DCDC2: variants seen among roughly 807,000 people sequenced by gnomAD.
The protein encoded by DCDC2 is doublecortin domain containing 2.
In DCDC2, 40 loss-of-function variants were observed where a neutral mutation model predicts 50.2. That is an observed-to-expected ratio of 0.80 (90% confidence interval 0.62 to 1.04). The LOEUF is 1.04. DCDC2 is among the 50% of genes least tolerant of loss of function. The probability of loss-of-function intolerance (pLI) is 0.00; values close to 1 mark genes in which losing one functional copy is unlikely to be tolerated. For synonymous variants in DCDC2, 234 were observed against 210.6 expected (o/e 1.11, Z -0.96); for missense variants, 570 against 581.9 (o/e 0.98, Z 0.21).
chr6:24,221,891 T>C (rs62403469), intron 7 of DCDC2, among the ~76,000 whole-genome samples: 12,025 of 152,268 alleles, frequency 0.079, 764 homozygotes, highest in African/African-American at 0.17. Context: ...GTTAAGGCAC[T>C]CAACTGCTAA....
At chr6:24,359,490 T>C (rs1324451294), upstream of DCDC2, among the ~76,000 whole-genome samples, 1 of 96,076 alleles carries the variant, frequency 1.0e-5, no homozygotes, top group African/African-American at 4.2e-5. Flanking sequence ...TTATATATAA[T>C]ATATTATATA....
intron 7 of DCDC2, among the ~76,000 whole-genome samples, chr6:24,226,963 G>A (rs563587267): frequency 1.3e-5 from 2 of 152,330 alleles, no homozygotes; most frequent in African/African-American, 4.8e-5. Context: ...TCAGAGTAGT[G>A]TTCTGGGAGA....
intron 8 of DCDC2, among the ~76,000 whole-genome samples, chr6:24,179,953 C>CAAAAAAAA (rs56376644): frequency 5.8e-5 from 5 of 85,976 alleles, no homozygotes; most frequent in African/African-American, 9.3e-5. Context: ...GACTCCATCT[C>CAAAAAAAA]AAAAAAAAAA....
At chr6:24,228,602 G>A (rs1306143383) in intron 7 of DCDC2, among the ~76,000 whole-genome samples, 1 of 152,162 alleles carries the variant, frequency 6.6e-6, no homozygotes, top group Non-Finnish European at 1.5e-5. Flanking sequence ...GATAAAATGT[G>A]AATTACAGGA....
chr6:24,248,217 T>C (rs887685524), intron 7 of DCDC2, among the ~76,000 whole-genome samples: 5 of 152,256 alleles, frequency 3.3e-5, no homozygotes, highest in Admixed American at 3.3e-4. Context: ...TGTGAAGTTC[T>C]TAGTAGACAG....
chr6:24,261,443 T>G (rs1488080317), intron 7 of DCDC2, among the ~76,000 whole-genome samples: 1 of 151,998 alleles, frequency 6.6e-6, no homozygotes, highest in African/African-American at 2.4e-5. Context: ...CAGAGAAGCA[T>G]GTTCAGCCTG....
At chr6:24,274,915 C>T (rs780510879) in intron 7 of DCDC2, among the ~76,000 whole-genome samples, 6 of 151,952 alleles carry the variant, frequency 3.9e-5, no homozygotes, top group Non-Finnish European at 8.8e-5. Flanking sequence ...CATAGCTATT[C>T]ACCCTAACCC....
chr6:24,369,731 C>A, the DCDC2 span, among the ~76,000 whole-genome samples: 3 of 152,000 alleles, frequency 2.0e-5, no homozygotes, highest in African/African-American at 7.2e-5. Context: ...AAAGAAAGCA[C>A]AAAATTATGT....
At chr6:24,205,767 T>G (rs1205628791) in intron 7 of DCDC2, among the ~76,000 whole-genome samples, 2 of 152,164 alleles carry the variant, frequency 1.3e-5, no homozygotes, top group African/African-American at 2.4e-5. Context: ...ATAATAGCTG[T>G]TTTTCATATT....
rs1202383424 is a variant in DCDC2 at position 24,347,805 on chromosome 6, T to C, written c.348+5764A>G. Among the ~76,000 whole-genome samples the C allele has an allele frequency of 3.3e-5, 5 of 152,274 alleles. No homozygotes were observed. In the East Asian group the frequency reaches 9.6e-4, roughly 29 times the overall value. ...AACAAAGATTTAACTATAACTAATTTTACCCCTGAAACAAAATCTAAATAG... is the reference window on the plus strand; with the variant it reads ...AACAAAGATTTAACTATAACTAATTCTACCCCTGAAACAAAATCTAAATAG... On this transcript the variant is annotated intron_variant, in intron 2 of 9. Coordinates refer to ENST00000378454, the MANE Select transcript of DCDC2 (RefSeq NM_016356.5).
intron 8 of DCDC2, among the ~76,000 whole-genome samples, chr6:24,203,882 A>G (rs1340448396): frequency 6.6e-6 from 1 of 152,264 alleles, no homozygotes; most frequent in Non-Finnish European, 1.5e-5. Flanking sequence ...CAAACATAAG[A>G]AAAAACGCTC....
Position 24,340,592 on chromosome 6 carries a change from C to T in DCDC2, c.348+12977G>A, listed in dbSNP as rs1222658830. ...ATGGAAGATCTAAAACTAGCTAATG[C>T]AAAATTTGTAATACTGGAAATCTAG... On this transcript the variant is annotated intron_variant, in intron 2 of 9. Coordinates refer to ENST00000378454, the MANE Select transcript of DCDC2 (RefSeq NM_016356.5). 4.0e-5 allele frequency among the ~76,000 whole-genome samples: 6 copies of T among 151,628 alleles called. 1 individual carries two copies. Among genetic ancestry groups the T allele is most frequent in the African/African-American group, 1.5e-4 (6 of 41,160 alleles).
intron 1 of DCDC2, among the ~76,000 whole-genome samples, chr6:24,355,267 A>G (rs955400625): frequency 6.6e-6 from 1 of 152,048 alleles, no homozygotes; most frequent in African/African-American, 2.4e-5. Flanking sequence ...TTGGTGTGGA[A>G]CTGTACCTTT....
chr6:24,211,337 A>G (rs1427274292), intron 7 of DCDC2, among the ~76,000 whole-genome samples: 1 of 152,174 alleles, frequency 6.6e-6, no homozygotes, highest in Non-Finnish European at 1.5e-5. Context: ...AACTGACGAG[A>G]AAGAAGACAG....
chr6:24,234,362 G>T (rs1762399881), intron 7 of DCDC2, among the ~76,000 whole-genome samples: 1 of 152,188 alleles, frequency 6.6e-6, no homozygotes. Context: ...GTGCAAAGTT[G>T]AAGATAATGG....
At chr6:24,370,713 A>C in the DCDC2 span, among the ~76,000 whole-genome samples, 1 of 152,222 alleles carries the variant, frequency 6.6e-6, no homozygotes, top group African/African-American at 2.4e-5. Flanking sequence ...CTGTCTCAAA[A>C]AAATAAAAAT....
intron 8 of DCDC2, among the ~76,000 whole-genome samples, 154 bp from the exon 9 acceptor site, chr6:24,178,786 G>A (rs1267885626): frequency 1.3e-5 from 2 of 152,166 alleles, no homozygotes; most frequent in African/African-American, 2.4e-5. Flanking sequence ...TACGTTTACT[G>A]AGTACCTACC....
At chr6:24,214,209 T>C (rs1412673407) in intron 7 of DCDC2, among the ~76,000 whole-genome samples, 1 of 152,234 alleles carries the variant, frequency 6.6e-6, no homozygotes, top group Non-Finnish European at 1.5e-5. Context: ...TCATCTGTTA[T>C]GCAATTGATG....
At chr6:24,292,074 T>C (rs563213929) in intron 4 of DCDC2, among the ~76,000 whole-genome samples, 1 of 152,166 alleles carries the variant, frequency 6.6e-6, no homozygotes, top group Admixed American at 6.5e-5. Context: ...CACAGTAACC[T>C]TCCTTTACTG....
Sources: allele counts gnomAD v4.1 joint callset (sites outside exome capture counted in the v4.1 genomes callset), GRCh38; gene constraint gnomAD v4.1.1; transcripts MANE v1.5; gene names NCBI Gene and HGNC (gene_info 2026-07-23, HGNC 2026-07-21).